Variants in GALNT1 observed in about 807,000 individuals in gnomAD.
GALNT1 encodes polypeptide N-acetylgalactosaminyltransferase 1.
GALNT1 carries 17 observed loss-of-function variants against 65.7 expected under a neutral mutation model. The observed-to-expected ratio is 0.26, with a 90% CI of 0.18 to 0.39. The LOEUF is 0.39. GALNT1 is among the 10% of genes least tolerant of loss of function. The pLI is 1.00. For missense variants in GALNT1, 460 were observed against 672.8 expected (o/e 0.68, Z 3.50); for synonymous variants, 210 against 219.7 (o/e 0.96, Z 0.39).
chr18:35,645,982 A>G (rs2047225860), intron 1 of GALNT1, among the ~76,000 whole-genome samples: 1 of 152,164 alleles, frequency 6.6e-6, no homozygotes, highest in East Asian at 1.9e-4. Flanking sequence ...AGAGCAGTGT[A>G]TTAGTTCATT....
chr18:35,608,605 A>G (rs1057487519), intron 1 of GALNT1, among the ~76,000 whole-genome samples: 2 of 152,196 alleles, frequency 1.3e-5, no homozygotes, highest in African/African-American at 2.4e-5. Context: ...CTTAGTGTCT[A>G]TTATGTACTC....
intron 1 of GALNT1, among the ~76,000 whole-genome samples, chr18:35,652,979 A>G (rs568008634): frequency 1.3e-5 from 2 of 152,346 alleles, no homozygotes; most frequent in African/African-American, 4.8e-5. Flanking sequence ...GCAGCTTTTC[A>G]TATGAAATAA....
At chr18:35,591,552 G>A (rs565125601) in intron 1 of GALNT1, among the ~76,000 whole-genome samples, 1 of 152,290 alleles carries the variant, frequency 6.6e-6, no homozygotes, top group African/African-American at 2.4e-5. Context: ...GTGTCAGTCT[G>A]GCTCCACAGA....
intron 5 of GALNT1, among the ~76,000 whole-genome samples, chr18:35,684,261 G>A (rs992108094): frequency 6.2e-5 from 9 of 144,378 alleles, no homozygotes; most frequent in African/African-American, 2.4e-4. Flanking sequence ...GATTTTAGTG[G>A]AGTGAACTTT....
intron 3 of GALNT1, 50 bp downstream of exon 3, chr18:35,663,852 G>T (rs2047509702): frequency 1.3e-6 from 2 of 1,555,082 alleles, no homozygotes; most frequent in East Asian, 4.5e-5. Context: ...AGTATATTCT[G>T]AATTTTCAGT....
At chr18:35,602,092 TG>T (rs1336352408) in intron 1 of GALNT1, among the ~76,000 whole-genome samples, 1 of 152,208 alleles carries the variant, frequency 6.6e-6, no homozygotes, top group Admixed American at 6.5e-5. Flanking sequence ...TTTGTTTGTC[TG>T]GGAAATACTT....
At chr18:35,636,799 T>TG (rs2047096374) in intron 1 of GALNT1, among the ~76,000 whole-genome samples, 1 of 149,066 alleles carries the variant, frequency 6.7e-6, no homozygotes, top group African/African-American at 2.5e-5. Context: ...TTTTTTTTTT[T>TG]TTTTTTTTTC....
At chr18:35,620,741 G>A (rs558649480) in intron 1 of GALNT1, among the ~76,000 whole-genome samples, 1 of 149,594 alleles carries the variant, frequency 6.7e-6, no homozygotes, top group African/African-American at 2.4e-5. Context: ...CTGCTATATA[G>A]TAGTCTATTG....
intron 3 of GALNT1, among the ~76,000 whole-genome samples, chr18:35,672,928 T>G (rs917708116): frequency 3.3e-5 from 5 of 152,196 alleles, no homozygotes; most frequent in Admixed American, 2.6e-4. Flanking sequence ...AAACTTGGAC[T>G]TAGGGAAATT....
At chr18:35,689,977 G>A (rs1394128187) in intron 7 of GALNT1, among the ~76,000 whole-genome samples, 2 of 152,080 alleles carry the variant, frequency 1.3e-5, no homozygotes, top group Middle Eastern at 3.4e-3. Flanking sequence ...TCAAAGAGAG[G>A]GTTGGACTCA....
intron 1 of GALNT1, among the ~76,000 whole-genome samples, chr18:35,606,095 T>G (rs1441530387): frequency 2.6e-5 from 4 of 152,182 alleles, no homozygotes; most frequent in Non-Finnish European, 5.9e-5. Context: ...GGGCCTTGGT[T>G]CTGCCTCACC....
At chr18:35,702,716 A>G (rs2048184837) in intron 9 of GALNT1, 181 bp from the exon 10 acceptor site, 1 of 389,464 alleles carries the variant, frequency 2.6e-6, no homozygotes, top group Non-Finnish European at 4.6e-6. Context: ...AATTACATAA[A>G]CAGTTGTAAG....
chr18:35,633,050 G>A (rs1313631637), intron 1 of GALNT1, among the ~76,000 whole-genome samples: 1 of 152,196 alleles, frequency 6.6e-6, no homozygotes, highest in Non-Finnish European at 1.5e-5. Context: ...AACAACACGT[G>A]CTGGAGAGGT....
intron 11 of GALNT1, among the ~76,000 whole-genome samples, chr18:35,705,660 A>G (rs2048244491): frequency 6.6e-6 from 1 of 150,588 alleles, no homozygotes; most frequent in South Asian, 2.1e-4. Flanking sequence ...GACAACCACA[A>G]AATTTTAAAA....
chr18:35,648,048 AAGGAAGGGAGGAAGTG>A (rs762602089), intron 1 of GALNT1, among the ~76,000 whole-genome samples: 1,704 of 143,802 alleles, frequency 0.012, 36 homozygotes, highest in African/African-American at 0.042. Context: ...GAAGAAGAAG[AAGGAAGGGAGGAAGTG>A]AGGAAGGGAG....
At chr18:35,588,140 G>C (rs1367699235) in intron 1 of GALNT1, among the ~76,000 whole-genome samples, 2 of 152,120 alleles carry the variant, frequency 1.3e-5, no homozygotes, top group African/African-American at 4.8e-5. Context: ...GTTGAATTCT[G>C]TGTCTTTGCT....
chr18:35,660,676 A>G (rs1037318353), intron 2 of GALNT1, among the ~76,000 whole-genome samples: 9 of 152,194 alleles, frequency 5.9e-5, no homozygotes, highest in African/African-American at 2.2e-4. Context: ...TATACTTACC[A>G]TCTTTTTAGT....
At chr18:35,685,758 A>T (rs1053041920) in intron 5 of GALNT1, among the ~76,000 whole-genome samples, 1 of 152,242 alleles carries the variant, frequency 6.6e-6, no homozygotes, top group African/African-American at 2.4e-5. Flanking sequence ...CAATGTTGCC[A>T]AACACGAGAT....
At chr18:35,591,040 T>C (rs945814993) in intron 1 of GALNT1, among the ~76,000 whole-genome samples, 26 of 152,078 alleles carry the variant, frequency 1.7e-4, no homozygotes, top group African/African-American at 6.3e-4. Context: ...GAAATAAGGG[T>C]AACATGGTCT....
Sources: gnomAD v4.1 joint callset for allele counts (sites outside exome capture counted in the v4.1 genomes callset) on GRCh38, gnomAD v4.1.1 for gene constraint, MANE v1.5 for transcripts, NCBI Gene and HGNC (gene_info 2026-07-23, HGNC 2026-07-21) for gene names.